The following RAD51B variants were observed in gnomAD, a reference collection of about 807,000 sequenced individuals.
RAD51B encodes the protein RAD51 paralog B, also known as DNA repair protein RAD51 homolog 2.
Under a neutral mutation model 42.2 loss-of-function variants are expected in RAD51B, and 38 were observed. That is an observed-to-expected ratio of 0.90 (90% CI 0.70 to 1.18). The LOEUF (loss-of-function observed/expected upper bound fraction) is 1.18. RAD51B is among the 50% of genes most tolerant of loss of function. The probability of loss-of-function intolerance (pLI) is 0.00; values close to 1 mark genes in which losing one functional copy is unlikely to be tolerated. For missense variants in RAD51B, 373 were observed against 400.7 expected, an observed-to-expected ratio of 0.93 and a Z score of 0.59; for synonymous variants, 154 against 145.2, an observed-to-expected ratio of 1.06 and a Z score of -0.43.
At chr14:68,498,284 G>A (rs757354519) in intron 10 of RAD51B, among the ~76,000 whole-genome samples, 2 of 152,224 alleles carry the variant, frequency 1.3e-5, no homozygotes, top group Admixed American at 6.5e-5. Context: ...GAGAGAAAGT[G>A]GACCCTCAGC....
At chr14:67,823,694 C>A in intron 2 of RAD51B, 67 bp downstream of exon 2, 1 of 1,170,870 alleles carries the variant, frequency 8.5e-7, no homozygotes, top group Non-Finnish European at 1.2e-6. Flanking sequence ...CTTAATACCT[C>A]TTAAACTTGA....
chr14:68,614,044 AT>A (rs1205585123), downstream of RAD51B, among the ~76,000 whole-genome samples: 7 of 152,196 alleles, frequency 4.6e-5, no homozygotes, highest in Non-Finnish European at 2.9e-5. Flanking sequence ...AATTCAGCCT[AT>A]GAGTGCAAGT....
chr14:68,316,242 G>A (rs979301782), intron 8 of RAD51B, among the ~76,000 whole-genome samples: 2 of 152,242 alleles, frequency 1.3e-5, no homozygotes, highest in African/African-American at 2.4e-5. Flanking sequence ...AAGGGAGTCT[G>A]AGAGTGTGTA....
chr14:67,882,752 CT>C (rs926309023), intron 5 of RAD51B, among the ~76,000 whole-genome samples: 26 of 147,606 alleles, frequency 1.8e-4, no homozygotes, highest in Admixed American at 2.0e-4. Context: ...GAAATTCTTT[CT>C]TTTTTTTTTT....
intron 7 of RAD51B, among the ~76,000 whole-genome samples, chr14:67,904,759 ATC>A (rs1166594728): frequency 1.3e-5 from 2 of 151,382 alleles, no homozygotes; most frequent in East Asian, 1.9e-4. Flanking sequence ...TTTTTAATGG[ATC>A]TGTTTGTTTT....
At chr14:67,967,379 T>C (rs924609783) in intron 7 of RAD51B, among the ~76,000 whole-genome samples, 3 of 152,264 alleles carry the variant, frequency 2.0e-5, no homozygotes, top group South Asian at 4.1e-4. Flanking sequence ...CCACAAAGTC[T>C]TAACTCATTT....
chr14:67,928,040 C>A (rs1184483194), intron 7 of RAD51B, among the ~76,000 whole-genome samples: 2 of 151,936 alleles, frequency 1.3e-5, no homozygotes, highest in East Asian at 3.9e-4. Flanking sequence ...GAATTTCCTT[C>A]TCTTAACTTT....
intron 5 of RAD51B, among the ~76,000 whole-genome samples, chr14:67,871,540 C>A (rs1191897077): frequency 6.6e-6 from 1 of 152,180 alleles, no homozygotes; most frequent in African/African-American, 2.4e-5. Flanking sequence ...CCTTCTGAAA[C>A]TATTCCAATC....
At chr14:68,462,093 G>A (rs964987501) in intron 9 of RAD51B, among the ~76,000 whole-genome samples, 1 of 152,182 alleles carries the variant, frequency 6.6e-6, no homozygotes, top group African/African-American at 2.4e-5. Flanking sequence ...TGAAAATTCA[G>A]AGCTTGCCTC....
intron 7 of RAD51B, among the ~76,000 whole-genome samples, chr14:68,124,820 G>C (rs977173577): frequency 8.6e-5 from 13 of 151,966 alleles, no homozygotes; most frequent in African/African-American, 2.9e-4. Context: ...GGCATGGCGG[G>C]CACCTGTAAT....
At chr14:68,127,842 A>G (rs2077802195) in intron 7 of RAD51B, among the ~76,000 whole-genome samples, 1 of 152,216 alleles carries the variant, frequency 6.6e-6, no homozygotes, top group Non-Finnish European at 1.5e-5. Context: ...AGATAGAATT[A>G]AATTTTAGAG....
intron 5 of RAD51B, among the ~76,000 whole-genome samples, chr14:67,868,617 T>G (rs1407893115): frequency 6.6e-6 from 1 of 152,204 alleles, no homozygotes; most frequent in Non-Finnish European, 1.5e-5. Context: ...CTCTGTAGGC[T>G]CCACCTCTGG....
intron 7 of RAD51B, among the ~76,000 whole-genome samples, chr14:67,903,425 G>C (rs898699310): frequency 2.6e-5 from 4 of 151,728 alleles, no homozygotes; most frequent in African/African-American, 9.7e-5. Flanking sequence ...CACCATTTAA[G>C]GCATTTAAAA....
intron 7 of RAD51B, among the ~76,000 whole-genome samples, chr14:67,999,766 G>A (rs532822709): frequency 6.6e-6 from 1 of 152,138 alleles, no homozygotes; most frequent in East Asian, 1.9e-4. Flanking sequence ...GGATAGAGGA[G>A]CAGTTAATTT....
chr14:68,224,828 G>C (rs1041276062), intron 7 of RAD51B, among the ~76,000 whole-genome samples: 1 of 151,854 alleles, frequency 6.6e-6, no homozygotes, highest in Non-Finnish European at 1.5e-5. Flanking sequence ...CGAGTAGCTG[G>C]GATTACAGGT....
At chr14:68,079,542 G>C (rs540392677) in intron 7 of RAD51B, among the ~76,000 whole-genome samples, 11 of 152,178 alleles carry the variant, frequency 7.2e-5, no homozygotes, top group Non-Finnish European at 1.5e-4. Flanking sequence ...ATTAGTTGTA[G>C]TATATAATAT....
At chr14:68,591,819 G>A (rs2256983) in intron 10 of RAD51B, among the ~76,000 whole-genome samples, 5,941 of 152,166 alleles carry the variant, frequency 0.039, 422 homozygotes, top group African/African-American at 0.13. Flanking sequence ...GTGCAGTCCT[G>A]AGCCCCTGGG....
At chr14:68,187,244 A>G (rs1258646561) in intron 7 of RAD51B, among the ~76,000 whole-genome samples, 1 of 152,220 alleles carries the variant, frequency 6.6e-6, no homozygotes, top group Non-Finnish European at 1.5e-5. Flanking sequence ...TTGAAAAACT[A>G]ACTGTTGAGT....
At position 68,534,784 on chromosome 14, in the gene RAD51B, T is replaced by A. The variant is rs114918154; in HGVS notation, c.1037-59701T>A. On this transcript the variant is annotated intron_variant, in intron 10 of 10. Transcript: ENST00000487270. ...ATTGTAAATTCCACAAGGGTAGAGA[T>A]CTTTGCCTATTTTGTTCATTGATCT... Among the ~76,000 whole-genome samples the A allele has an allele frequency of 8.0e-3, 1,209 of 152,000 alleles. 14 individuals are homozygous for A. Among genetic ancestry groups the A allele is most frequent in the African/African-American group, 0.028 (1,173 of 41,458 alleles).
Sources: gnomAD v4.1 joint callset for allele counts (sites outside exome capture counted in the v4.1 genomes callset) on GRCh38, gnomAD v4.1.1 for gene constraint, MANE v1.5 for transcripts, NCBI Gene and HGNC (gene_info 2026-07-23, HGNC 2026-07-21) for gene names.